Variants in CD2AP observed in about 807,000 individuals in gnomAD.
CD2AP encodes the protein CD2 associated protein.
In CD2AP, 46 loss-of-function variants were observed where a neutral mutation model predicts 85.1. The observed-to-expected ratio is 0.54, with a 90% CI of 0.43 to 0.69. The LOEUF is 0.69. Among genes scored for constraint, CD2AP ranks in the 30% least tolerant of loss-of-function variants. The pLI, the probability that CD2AP is intolerant of heterozygous loss-of-function variation, is 0.00. For missense variants in CD2AP, 769 were observed against 729.5 expected, an observed-to-expected ratio of 1.05 and a Z score of -0.62; for synonymous variants, 255 against 252.9, an observed-to-expected ratio of 1.01 and a Z score of -0.08.
At chr6:47,532,030 G>A (rs188180904) in intron 2 of CD2AP, among the ~76,000 whole-genome samples, 13 of 151,526 alleles carry the variant, frequency 8.6e-5, no homozygotes, top group African/African-American at 2.7e-4. Context: ...CAGAGATCGC[G>A]CTCAGTGCAC....
In CD2AP at chr6:47,544,720, G is replaced by A. The variant is rs777594823; in HGVS notation, c.420+14G>A. 2.1e-6 allele frequency: 3 copies of A among 1,424,876 alleles called. No homozygotes were observed. The highest frequency in any genetic ancestry group is 1.1e-5 in the South Asian group (1 of 87,318). The allele number at this position is 1,424,876 out of a possible 1,614,324, so 88.3% of individuals were successfully genotyped here. A position where few individuals can be genotyped will look rare whatever the true frequency, so the allele number is the denominator to read the frequency against. On this transcript the variant is annotated intron_variant, in intron 4 of 17. Coordinates refer to ENST00000359314, the MANE Select transcript of CD2AP (RefSeq NM_012120.3). ...ATTAATGAAGAGGTAAGGAAAAAAT[G>A]TGTTACAGGTAAAACAGTAATGGTA...
chr6:47,508,580 C>G (rs1425682746), intron 2 of CD2AP, among the ~76,000 whole-genome samples: 1 of 131,228 alleles, frequency 7.6e-6, no homozygotes. Flanking sequence ...GAGTCTCGCT[C>G]TGTTGCCCAG....
intron 13 of CD2AP, among the ~76,000 whole-genome samples, chr6:47,600,654 T>C (rs559107820): frequency 6.6e-6 from 1 of 152,080 alleles, no homozygotes; most frequent in Non-Finnish European, 1.5e-5. Flanking sequence ...TCGGTATGTT[T>C]TATATGGTGA....
At chr6:47,596,697 T>A (rs1287373850) in intron 12 of CD2AP, among the ~76,000 whole-genome samples, 1 of 152,128 alleles carries the variant, frequency 6.6e-6, no homozygotes, top group Non-Finnish European at 1.5e-5. Flanking sequence ...TTTTGGCTGT[T>A]GTGAATAGTG....
Position 47,609,240 on chromosome 6 carries a change from G to T in CD2AP, c.1750G>T (p.Asp584Tyr). ...ETDDVKKNSL[D>Y]ELRAQIIELL... The stretch of plus-strand genomic sequence containing the variant: ...AGATGATGTGAAAAAAAATTCCCTG[G>T]ATGAACTTAGAGCCCAGATTATTGA... The change falls in exon 16 of 18, where the codon GAT becomes TAT. Residue 584 changes from aspartate (D) to tyrosine (Y), a missense_variant. By Grantham distance (160) the Asp-to-Tyr change is radical. Coordinates refer to ENST00000359314, the MANE Select transcript of CD2AP (RefSeq NM_012120.3). The T allele has an allele frequency of 6.2e-7, 1 of 1,613,604 alleles. No individual in the cohort carries two copies. The highest frequency in any genetic ancestry group is 8.5e-7 in the Non-Finnish European group (1 of 1,179,776).
chr6:47,571,815 G>A (rs1380773974), intron 5 of CD2AP, among the ~76,000 whole-genome samples: 1 of 152,116 alleles, frequency 6.6e-6, no homozygotes, highest in East Asian at 1.9e-4. Flanking sequence ...CAGTAGAGAG[G>A]CGAAGTGGGG....
chr6:47,575,467 G>A (rs1328215984), intron 6 of CD2AP, among the ~76,000 whole-genome samples: 2 of 152,128 alleles, frequency 1.3e-5, no homozygotes, highest in Non-Finnish European at 2.9e-5. Context: ...CTATATAATG[G>A]TCTGGTCAGG....
At chr6:47,509,876 T>TTA (rs1399598488) in intron 2 of CD2AP, among the ~76,000 whole-genome samples, 1 of 152,182 alleles carries the variant, frequency 6.6e-6, no homozygotes, top group Non-Finnish European at 1.5e-5. Flanking sequence ...TTTATTGCAG[T>TTA]TATAGAACAC....
intron 5 of CD2AP, among the ~76,000 whole-genome samples, chr6:47,559,276 A>G (rs1767783008): frequency 1.5e-5 from 2 of 135,714 alleles, no homozygotes; most frequent in African/African-American, 5.6e-5. Context: ...TTTTTTTTTT[A>G]ACAGGCAGGG....
At chr6:47,494,301 T>A (rs1252849686) in intron 1 of CD2AP, among the ~76,000 whole-genome samples, 1 of 152,228 alleles carries the variant, frequency 6.6e-6, no homozygotes, top group Non-Finnish European at 1.5e-5. Context: ...CTTGCTTTCT[T>A]TGGGTTTCCC....
chr6:47,580,831 G>T, intron 9 of CD2AP, 33 bp from the exon 10 acceptor site: 5 of 1,538,934 alleles, frequency 3.2e-6, no homozygotes, highest in Non-Finnish European at 4.5e-6. Context: ...ATATGAAACT[G>T]GTCAGCCGTT....
chr6:47,482,672 C>T (rs1433611059), intron 1 of CD2AP, among the ~76,000 whole-genome samples: 5 of 152,110 alleles, frequency 3.3e-5, no homozygotes, highest in African/African-American at 7.2e-5. Context: ...GCCACCTTGC[C>T]CAGCGTGTAT....
intron 1 of CD2AP, among the ~76,000 whole-genome samples, chr6:47,480,436 G>A (rs1765414027): frequency 6.6e-6 from 1 of 152,150 alleles, no homozygotes. Context: ...AGATAATTTG[G>A]ATGCCTATTA....
chr6:47,534,803 C>CTT (rs34533492), intron 3 of CD2AP, among the ~76,000 whole-genome samples: 37 of 146,328 alleles, frequency 2.5e-4, no homozygotes, highest in East Asian at 4.0e-4. Flanking sequence ...AGATTGAATA[C>CTT]TTTTTTTTTT....
intron 5 of CD2AP, among the ~76,000 whole-genome samples, chr6:47,573,659 T>C (rs1230404706): frequency 6.6e-6 from 1 of 151,854 alleles, no homozygotes; most frequent in African/African-American, 2.4e-5. Flanking sequence ...CGGCTAATTT[T>C]TTTATATTTT....
intron 6 of CD2AP, 39 bp from the exon 7 acceptor site, chr6:47,576,485 C>A: frequency 7.6e-7 from 1 of 1,308,106 alleles, no homozygotes; most frequent in Non-Finnish European, 1.1e-6. Flanking sequence ...TATCTTTATT[C>A]TATCTTAAAA....
At chr6:47,615,639 A>G (rs1769556156) in intron 17 of CD2AP, among the ~76,000 whole-genome samples, 1 of 152,056 alleles carries the variant, frequency 6.6e-6, no homozygotes, top group African/African-American at 2.4e-5. Flanking sequence ...TAAACACCCC[A>G]TGATCCAAAT....
intron 1 of CD2AP, among the ~76,000 whole-genome samples, chr6:47,491,869 C>G (rs112239341): frequency 1.1e-3 from 161 of 152,064 alleles, no homozygotes; most frequent in African/African-American, 3.4e-3. Context: ...GAATACCTCA[C>G]CAGCACCCCC....
At chr6:47,552,421 T>C (rs1000563940) in intron 4 of CD2AP, among the ~76,000 whole-genome samples, 9 of 152,200 alleles carry the variant, frequency 5.9e-5, no homozygotes, top group African/African-American at 1.9e-4. Context: ...CTTGAGTTAC[T>C]TCACTTAGAA....
Sources: allele counts gnomAD v4.1 joint callset (sites outside exome capture counted in the v4.1 genomes callset), GRCh38; gene constraint gnomAD v4.1.1; transcripts MANE v1.5; gene names NCBI Gene and HGNC (gene_info 2026-07-23, HGNC 2026-07-21).